The following VTA1 variants were observed in gnomAD, a reference collection of about 807,000 sequenced individuals.
The protein encoded by VTA1 is vacuolar protein sorting-associated protein VTA1 homolog.
VTA1 carries 24 observed loss-of-function variants against 36.9 expected under a neutral mutation model. The ratio of observed to expected loss-of-function variants is 0.65; its 90% CI spans 0.47 to 0.91. The LOEUF (loss-of-function observed/expected upper bound fraction) is 0.91. Among genes scored for constraint, VTA1 ranks in the 40% least tolerant of loss-of-function variants. VTA1 has a pLI of 0.00. For synonymous variants in VTA1, 142 were observed against 130.2 expected (o/e 1.09, Z -0.62); for missense variants, 393 against 377.2 (o/e 1.04, Z -0.35).
intron 4 of VTA1, among the ~76,000 whole-genome samples, chr6:142,175,045 C>G (rs1775093954): frequency 6.6e-6 from 1 of 152,144 alleles, no homozygotes; most frequent in Admixed American, 6.5e-5. Flanking sequence ...AAGATGTAAA[C>G]AACCTGAATA....
intron 1 of VTA1, among the ~76,000 whole-genome samples, chr6:142,148,875 G>A (rs1273614945): frequency 3.3e-5 from 5 of 152,156 alleles, no homozygotes; most frequent in Non-Finnish European, 5.9e-5. Flanking sequence ...GTAGAGGCTT[G>A]CTGGAAGGAG....
intron 4 of VTA1, among the ~76,000 whole-genome samples, chr6:142,176,601 CTT>C (rs10689552): frequency 5.1e-5 from 7 of 138,514 alleles, no homozygotes; most frequent in Non-Finnish European, 7.9e-5. Context: ...AAGGTTCAGC[CTT>C]TTTTTTTTTT....
At chr6:142,198,810 A>G (rs1243592170) in intron 6 of VTA1, 195 bp downstream of exon 6, 3 of 488,358 alleles carry the variant, frequency 6.1e-6, no homozygotes, top group African/African-American at 5.8e-5. Flanking sequence ...TATTTGAGAA[A>G]TGACAAGTAT....
chr6:142,169,675 C>T lies in VTA1; in HGVS notation c.333C>T (p.His111=), dbSNP rs556963882. The change falls in exon 3 of 8, where the codon CAC becomes CAT. Residue 111 remains histidine, a splice_region_variant and synonymous_variant. Transcript: ENST00000367630. Reference sequence around the variant, plus strand: ...ATGAAGATCGTGCTGGACGATTTCACAAGTAAGTAAAGAGAAAAATAAAAA... The same window carrying T: ...ATGAAGATCGTGCTGGACGATTTCATAAGTAAGTAAAGAGAAAAATAAAAA... ...ADNEDRAGRF[H]KNMIKSFYTA... is the part of the protein sequence containing the mutation. The T allele has an allele frequency of 4.1e-5, 64 of 1,572,678 alleles. No individual in the cohort carries two copies. Among genetic ancestry groups the T allele is most frequent in the Non-Finnish European group, 5.5e-5 (64 of 1,166,954 alleles).
chr6:142,154,237 TAAATG>T (rs1480400836), intron 1 of VTA1, among the ~76,000 whole-genome samples: 1 of 152,116 alleles, frequency 6.6e-6, no homozygotes, highest in East Asian at 1.9e-4. Context: ...AATGTTCTAT[TAAATG>T]AAATCATATA....
chr6:142,167,448 C>G (rs892127035), intron 2 of VTA1, among the ~76,000 whole-genome samples: 1 of 152,118 alleles, frequency 6.6e-6, no homozygotes, highest in African/African-American at 2.4e-5. Context: ...AATTAGAAAC[C>G]TATTCTATCA....
At chr6:142,158,345 T>G (rs1003361584) in intron 1 of VTA1, among the ~76,000 whole-genome samples, 2 of 152,196 alleles carry the variant, frequency 1.3e-5, no homozygotes, top group Non-Finnish European at 2.9e-5. Context: ...ACCTATCGTT[T>G]ATGGCCTGCA....
intron 2 of VTA1, among the ~76,000 whole-genome samples, chr6:142,167,600 C>T (rs781650792): frequency 8.5e-5 from 13 of 152,196 alleles, no homozygotes; most frequent in Non-Finnish European, 1.6e-4. Flanking sequence ...TATGCGAAGA[C>T]AGAACTTCCT....
At chr6:142,196,483 T>A (rs1222717682) in intron 5 of VTA1, among the ~76,000 whole-genome samples, 1 of 152,216 alleles carries the variant, frequency 6.6e-6, no homozygotes, top group African/African-American at 2.4e-5. Context: ...TGAGAAATAG[T>A]GTTTAGTTCA....
intron 5 of VTA1, among the ~76,000 whole-genome samples, chr6:142,195,595 C>CTTTTTTTTTTTTTTTTTT (rs72442499): frequency 1.4e-5 from 1 of 70,708 alleles, no homozygotes; most frequent in Non-Finnish European, 2.8e-5. Context: ...GTTTAATTTG[C>CTTTTTTTTTTTTTTTTTT]TTTTTTTTTT....
intron 7 of VTA1, among the ~76,000 whole-genome samples, chr6:142,208,719 A>G (rs1003154344): frequency 6.8e-4 from 103 of 152,324 alleles, no homozygotes; most frequent in African/African-American, 2.4e-3. Flanking sequence ...CAGAGCTCCA[A>G]ATCGTCTGGC....
At chr6:142,167,521 C>G (rs1163354704) in intron 2 of VTA1, among the ~76,000 whole-genome samples, 2 of 152,180 alleles carry the variant, frequency 1.3e-5, no homozygotes, top group Non-Finnish European at 2.9e-5. Context: ...ACACACTAGT[C>G]AGCCCAGAGC....
chr6:142,184,194 C>A (rs1036112248), intron 4 of VTA1, among the ~76,000 whole-genome samples: 2 of 152,114 alleles, frequency 1.3e-5, no homozygotes, highest in African/African-American at 4.8e-5. Context: ...ATCTTTAAGG[C>A]TTATTTTCTG....
chr6:142,176,975 C>A (rs17071517), intron 4 of VTA1, among the ~76,000 whole-genome samples: 1 of 152,114 alleles, frequency 6.6e-6, no homozygotes, highest in Non-Finnish European at 1.5e-5. Context: ...TGTACTGGAA[C>A]GTTTCAAAGT....
chr6:142,188,981 T>C (rs1357992576), intron 4 of VTA1, among the ~76,000 whole-genome samples: 1 of 152,240 alleles, frequency 6.6e-6, no homozygotes, highest in African/African-American at 2.4e-5. Context: ...GCATTTGCTT[T>C]AACCACCACA....
rs529807381 is a variant in VTA1, at chr6:142,152,848, A to C, written c.112+5449A>C. Among the ~76,000 whole-genome samples the C allele has an allele frequency of 6.6e-5, 10 of 152,252 alleles. No individual in the cohort carries two copies. The South Asian group carries it at 2.1e-3, about 32-fold the overall frequency. On this transcript the variant is annotated intron_variant, in intron 1 of 7. Coordinates refer to ENST00000367630, the MANE Select transcript of VTA1 (RefSeq NM_016485.5). Reference sequence around the variant, plus strand: ...AGGGAAACTTTTTTTTGTGAGAAAAAAATTCAAGAGTATTTTGCTAAACTA... The same window carrying C: ...AGGGAAACTTTTTTTTGTGAGAAAACAATTCAAGAGTATTTTGCTAAACTA...
intron 4 of VTA1, among the ~76,000 whole-genome samples, chr6:142,188,763 T>C (rs1167065666): frequency 6.6e-6 from 1 of 152,230 alleles, no homozygotes; most frequent in African/African-American, 2.4e-5. Flanking sequence ...AATGCAAATT[T>C]TTATCTTACA....
chr6:142,216,217 C>T (rs981630599), intron 7 of VTA1, among the ~76,000 whole-genome samples: 1 of 151,606 alleles, frequency 6.6e-6, no homozygotes, highest in Admixed American at 6.6e-5. Context: ...AACACTTGTT[C>T]TCTTTCTGAA....
intron 1 of VTA1, among the ~76,000 whole-genome samples, chr6:142,151,546 A>G (rs1211209141): frequency 6.6e-6 from 1 of 152,260 alleles, no homozygotes; most frequent in Admixed American, 6.5e-5. Context: ...TAGAAATAAA[A>G]TGGGGACATG....
Sources: allele counts gnomAD v4.1 joint callset (sites outside exome capture counted in the v4.1 genomes callset), GRCh38; gene constraint gnomAD v4.1.1; transcripts MANE v1.5; gene names NCBI Gene and HGNC (gene_info 2026-07-23, HGNC 2026-07-21).